Variants in IFT80 observed in about 807,000 individuals in gnomAD.
The protein encoded by IFT80 is intraflagellar transport 80.
Under a neutral mutation model 107.9 loss-of-function variants are expected in IFT80, and 79 were observed. The observed-to-expected ratio is 0.73, with a 90% confidence interval of 0.61 to 0.88. The LOEUF (loss-of-function observed/expected upper bound fraction) is 0.88, where lower values mean the gene tolerates loss of function less well. Ranked by LOEUF, IFT80 falls within the 40% of genes least tolerant of loss-of-function variation. The pLI, the probability that IFT80 is intolerant of heterozygous loss-of-function variation, is 0.00. For synonymous variants in IFT80, 299 were observed against 300.9 expected, an observed-to-expected ratio of 0.99 and a Z score of 0.07; for missense variants, 797 against 914.2, an observed-to-expected ratio of 0.87 and a Z score of 1.65.
At chr3:160,308,123 G>T (rs1307586065) in intron 9 of IFT80, among the ~76,000 whole-genome samples, 1 of 152,150 alleles carries the variant, frequency 6.6e-6, no homozygotes, top group Non-Finnish European at 1.5e-5. Flanking sequence ...AAGTTGGAAA[G>T]ATTCTATGTG....
chr3:160,323,202 T>C (rs1463081994), intron 8 of IFT80, among the ~76,000 whole-genome samples: 28 of 150,242 alleles, frequency 1.9e-4, no homozygotes, highest in Non-Finnish European at 3.6e-4. Flanking sequence ...CCATCTTGAA[T>C]TAATTTTTGT....
chr3:160,306,749 A>G (rs1215879082), intron 10 of IFT80, among the ~76,000 whole-genome samples: 1 of 152,210 alleles, frequency 6.6e-6, no homozygotes, highest in Non-Finnish European at 1.5e-5. Flanking sequence ...ATATAGTTGT[A>G]GCAGTTGTTA....
chr3:160,388,880 A>C (rs1025814244), intron 1 of IFT80, among the ~76,000 whole-genome samples: 4 of 152,168 alleles, frequency 2.6e-5, no homozygotes, highest in Admixed American at 2.6e-4. Flanking sequence ...TAAGATGTAA[A>C]GGGGTTACAA....
At chr3:160,271,940 T>TA (rs1713842348) in intron 18 of IFT80, among the ~76,000 whole-genome samples, 9 of 137,690 alleles carry the variant, frequency 6.5e-5, no homozygotes, top group Non-Finnish European at 1.5e-4. Flanking sequence ...TGAAGTCTTA[T>TA]CAAAAAAAAA....
intron 13 of IFT80, among the ~76,000 whole-genome samples, chr3:160,283,201 A>G (rs1009723094): frequency 2.6e-5 from 4 of 152,218 alleles, no homozygotes; most frequent in African/African-American, 9.6e-5. Flanking sequence ...TGTCAAGTAT[A>G]TCTAAACTTG....
At chr3:160,344,155 G>A (rs1358305533) in intron 8 of IFT80, among the ~76,000 whole-genome samples, 2 of 152,138 alleles carry the variant, frequency 1.3e-5, no homozygotes, top group Non-Finnish European at 2.9e-5. Context: ...CATTGCTAAA[G>A]AGACAACATA....
At chr3:160,268,763 G>C in intron 18 of IFT80, 2 of 501,984 alleles carry the variant, frequency 4.0e-6, no homozygotes, top group South Asian at 4.3e-5. Context: ...AGAAATAAAT[G>C]ACTATTATCT....
In IFT80 at chr3:160,316,787, A is replaced by G. The variant is rs183082575; in HGVS notation, c.957+2973T>C. 1.9e-4 allele frequency among the ~76,000 whole-genome samples: 29 copies of G among 152,184 alleles called. No homozygotes were observed. The East Asian group carries it at 4.1e-3, about 21-fold the overall frequency. On this transcript the variant is annotated intron_variant, in intron 9 of 19. Coordinates refer to ENST00000326448, the MANE Select transcript of IFT80 (RefSeq NM_020800.3). ...AGATTTCTCCTGGAATTACTAGGGA[A>G]AAAAAAGCACTCTTTCCGCTGAACT...
chr3:160,302,862 G>C (rs943227423), intron 11 of IFT80, among the ~76,000 whole-genome samples: 1 of 152,092 alleles, frequency 6.6e-6, no homozygotes, highest in African/African-American at 2.4e-5. Flanking sequence ...TCAATATGGT[G>C]ATCACATTTT....
intron 18 of IFT80, among the ~76,000 whole-genome samples, chr3:160,270,974 G>C (rs1051694148): frequency 1.3e-5 from 2 of 152,178 alleles, no homozygotes; most frequent in Admixed American, 6.5e-5. Flanking sequence ...AGATACTATG[G>C]TATGAAACAT....
At chr3:160,259,292 G>A (rs1477226466) in intron 19 of IFT80, among the ~76,000 whole-genome samples, 5 of 152,160 alleles carry the variant, frequency 3.3e-5, no homozygotes, top group South Asian at 2.1e-4. Context: ...TTGTGTACAC[G>A]TGCTCAGGGA....
chr3:160,377,364 TTC>T, intron 4 of IFT80, 64 bp downstream of exon 4: 4 of 924,354 alleles, frequency 4.3e-6, no homozygotes, highest in Non-Finnish European at 7.2e-6. Context: ...AATGAAAATA[TTC>T]TGTTTCTTTG....
At chr3:160,373,118 G>A (rs914859991) in intron 5 of IFT80, among the ~76,000 whole-genome samples, 4 of 152,086 alleles carry the variant, frequency 2.6e-5, no homozygotes, top group Non-Finnish European at 4.4e-5. Context: ...ATGTTGCCCA[G>A]GCTGGTCTCA....
intron 18 of IFT80, among the ~76,000 whole-genome samples, chr3:160,271,995 C>T (rs1713848086): frequency 6.6e-6 from 1 of 150,434 alleles, no homozygotes; most frequent in African/African-American, 2.4e-5. Flanking sequence ...AACCAATATG[C>T]AACTAATTCA....
rs760594280 is a variant in IFT80 at position 160,357,589 on chromosome 3, AAAG to A, written c.550-14_550-12del. The A allele has an allele frequency of 4.1e-5, 63 of 1,519,902 alleles. No individual in the cohort carries two copies. Among genetic ancestry groups the A allele is most frequent in the Non-Finnish European group, 5.1e-5 (56 of 1,096,596 alleles). The allele number at this position is 1,519,902 out of a possible 1,614,324, so 94.2% of individuals were successfully genotyped here. A position where few individuals can be genotyped will look rare whatever the true frequency, so the allele number is the denominator to read the frequency against. On this transcript the variant is annotated splice_polypyrimidine_tract_variant and intron_variant, in intron 6 of 19. Coordinates refer to ENST00000326448, the MANE Select transcript of IFT80 (RefSeq NM_020800.3). The stretch of plus-strand genomic sequence containing the variant: ...ATCATGAGCTTTCCACTGTGAGAAA[AAAG>A]AATAAGATATTAATTATAAGTTTAA...
Position 160,390,978 on chromosome 3 carries a change from T to C in IFT80, c.-46-6332A>G, listed in dbSNP as rs377760205. 1.1e-4 allele frequency among the ~76,000 whole-genome samples: 17 copies of C among 152,330 alleles called. No individual in the cohort carries two copies. In the East Asian group the frequency reaches 1.2e-3, roughly 10 times the overall value. On this transcript the variant is annotated intron_variant, in intron 1 of 19. Coordinates refer to ENST00000326448, the MANE Select transcript of IFT80 (RefSeq NM_020800.3). ...ATGCCATATCAGTTTACTATTGCCA[T>C]GGTAACACCAGGAAGTTACCTGTTT... is the stretch of plus-strand genomic sequence containing the variant.
rs1176173234 is a variant in IFT80 at position 160,312,769 on chromosome 3, T to C, written c.958-4988A>G. Among the ~76,000 whole-genome samples, 198 of 32,804 alleles carry C rather than the reference T, an allele frequency of 6.0e-3. 6 individuals carry two copies. The highest frequency in any genetic ancestry group is 0.019 in the African/African-American group (191 of 10,246). The allele number at this position is 32,804 out of a possible 152,430, so 21.5% of individuals were successfully genotyped here. A position where few individuals can be genotyped will look rare whatever the true frequency, so the allele number is the denominator to read the frequency against. On this transcript the variant is annotated intron_variant, in intron 9 of 19. Coordinates refer to ENST00000326448, the MANE Select transcript of IFT80 (RefSeq NM_020800.3). The stretch of plus-strand genomic sequence containing the variant: ...TATATAATATATATATAAATGTATA[T>C]TATATATAAATATATAATATATATA...
intron 8 of IFT80, chr3:160,343,760 C>T: frequency 5.7e-6 from 2 of 351,996 alleles, no homozygotes; most frequent in Non-Finnish European, 5.6e-6. Context: ...CACTCATTAC[C>T]ATTTAAAATA....
intron 19 of IFT80, among the ~76,000 whole-genome samples, chr3:160,260,067 T>C (rs918718076): frequency 7.3e-5 from 11 of 151,326 alleles, no homozygotes; most frequent in Non-Finnish European, 1.5e-4. Flanking sequence ...AGAAATTAAG[T>C]ATTTTTTTTA....
Sources: gnomAD v4.1 joint callset for allele counts (sites outside exome capture counted in the v4.1 genomes callset) on GRCh38, gnomAD v4.1.1 for gene constraint, MANE v1.5 for transcripts, NCBI Gene and HGNC (gene_info 2026-07-23, HGNC 2026-07-21) for gene names.